C16orf89: variants seen among roughly 807,000 people sequenced by gnomAD.
The protein encoded by C16orf89 is UPF0764 protein C16orf89.
Under a neutral mutation model 41.5 loss-of-function variants are expected in C16orf89, and 57 were observed. The ratio of observed to expected loss-of-function variants is 1.38; its 90% CI spans 1.11 to 1.71. C16orf89 has a LOEUF of 1.71. C16orf89 is among the 40% of genes most tolerant of loss of function. The pLI is 0.00. For synonymous variants in C16orf89, 223 were observed against 190.6 expected (o/e 1.17, Z -1.40); for missense variants, 575 against 445.9 (o/e 1.29, Z -2.61).
At chr16:5,046,145 C>T (rs889641263) in intron 7 of C16orf89, among the ~76,000 whole-genome samples, 5 of 152,056 alleles carry the variant, frequency 3.3e-5, no homozygotes, top group Admixed American at 6.5e-5. Context: ...GTGGCAGCTA[C>T]GAAACTGACT....
At chr16:5,052,797 A>G (rs893059984) in intron 6 of C16orf89, among the ~76,000 whole-genome samples, 3 of 152,096 alleles carry the variant, frequency 2.0e-5, no homozygotes, top group Non-Finnish European at 4.4e-5. Context: ...AAAGGAAAGG[A>G]AATTGGTATG....
intron 4 of C16orf89, among the ~76,000 whole-genome samples, chr16:5,057,868 TTC>T: frequency 6.6e-6 from 1 of 151,972 alleles, no homozygotes; most frequent in Non-Finnish European, 1.5e-5. Context: ...TTTCTGATGA[TTC>T]TCTTTTATTC....
In C16orf89 at chr16:5,044,243, C is replaced by T. The variant is rs1230587503; in HGVS notation, c.*105G>A. The T allele has an allele frequency of 4.1e-6, 6 of 1,456,786 alleles. No individual in the cohort carries two copies. Among genetic ancestry groups the T allele is most frequent in the Non-Finnish European group, 5.4e-6 (6 of 1,109,636 alleles). 90.2% of individuals were successfully genotyped at this position (1,456,786 alleles called of 1,614,324 possible). ...TGTCGGGGTGGCTTTGCTTATCCTC[C>T]AGATGCCTTCTTCCCAGGATGTGAT... On this transcript the variant is annotated 3_prime_UTR_variant, in exon 8 of 8. Transcript: ENST00000472572.
chr16:5,056,279 G>T lies in C16orf89; in HGVS notation c.628-91C>A, dbSNP rs1234658958. 3.2e-6 allele frequency: 4 copies of T among 1,263,368 alleles called. No homozygotes were observed. In the South Asian group the frequency reaches 6.1e-5, roughly 19 times the overall value. 78.3% of individuals were successfully genotyped at this position (1,263,368 alleles called of 1,614,324 possible). On this transcript the variant is annotated intron_variant, in intron 4 of 7. Transcript: ENST00000472572. Reference sequence around the variant, plus strand: ...TGGGAAAGTCTTGCAGTTCTGAGACGGTCTTGCAAGGGGCTGTGTTTAGGG... The same window carrying T: ...TGGGAAAGTCTTGCAGTTCTGAGACTGTCTTGCAAGGGGCTGTGTTTAGGG...
At chr16:5,045,561 T>C (rs1365441235) in intron 7 of C16orf89, among the ~76,000 whole-genome samples, 4 of 152,008 alleles carry the variant, frequency 2.6e-5, no homozygotes. Context: ...GGAGGGAGAA[T>C]GCAGATTTCA....
intron 6 of C16orf89, among the ~76,000 whole-genome samples, chr16:5,052,118 A>AG (rs1374342290): frequency 4.6e-5 from 7 of 150,670 alleles, no homozygotes; most frequent in African/African-American, 1.7e-4. Flanking sequence ...AAAAAAAAAA[A>AG]AAGAAGGAAA....
chr16:5,044,077 G>T (rs973533957), downstream of C16orf89: 13 of 1,079,674 alleles, frequency 1.2e-5, no homozygotes, highest in Non-Finnish European at 1.3e-5. Flanking sequence ...CCAAGAGGTT[G>T]TCCAAGGTTG....
At chr16:5,059,623 C>T (rs1956575670) in intron 3 of C16orf89, among the ~76,000 whole-genome samples, 1 of 152,144 alleles carries the variant, frequency 6.6e-6, no homozygotes, top group Non-Finnish European at 1.5e-5. Context: ...TGCCCATGGG[C>T]CCTGCACCTA....
chr16:5,044,121 G>A (rs1314665011), downstream of C16orf89: 1 of 1,253,222 alleles, frequency 8.0e-7, no homozygotes, highest in Admixed American at 4.2e-5. Context: ...TCAACCCTGG[G>A]TCAGTTGCAG....
chr16:5,061,185 C>T (rs1425194993), intron 2 of C16orf89, among the ~76,000 whole-genome samples: 2 of 145,792 alleles, frequency 1.4e-5, no homozygotes, highest in Non-Finnish European at 3.0e-5. Flanking sequence ...TAGCATGAAC[C>T]CGGGAGACAG....
At chr16:5,062,706 G>C in intron 1 of C16orf89, 132 bp from the exon 2 acceptor site, 1 of 1,050,318 alleles carries the variant, frequency 9.5e-7, no homozygotes, top group Non-Finnish European at 1.3e-6. Context: ...GCACTCAGAG[G>C]GGAAGGATTT....
intron 6 of C16orf89, among the ~76,000 whole-genome samples, chr16:5,049,455 A>C (rs1276558871): frequency 1.3e-5 from 2 of 152,232 alleles, no homozygotes; most frequent in East Asian, 3.8e-4. Flanking sequence ...ATGTTAGGCC[A>C]AAAAACAAGT....
chr16:5,055,376 G>T lies in C16orf89; in HGVS notation c.764-26C>A, dbSNP rs1255541402. On this transcript the variant is annotated intron_variant, in intron 5 of 7. Coordinates refer to ENST00000472572, the MANE Select transcript of C16orf89 (RefSeq NM_001098514.3). Reference sequence around the variant, plus strand: ...CTGGAAGTAAAGACGGGGGCCCTCTGCAGGCCTGCCCCCCAGGCCCACCTC... The same window carrying T: ...CTGGAAGTAAAGACGGGGGCCCTCTTCAGGCCTGCCCCCCAGGCCCACCTC... 2.6e-6 allele frequency: 4 copies of T among 1,555,534 alleles called. No homozygotes were observed. The African/African-American group carries it at 5.5e-5, about 21-fold the overall frequency.
chr16:5,063,437 T>C (rs1956669203), intron 1 of C16orf89, among the ~76,000 whole-genome samples: 1 of 152,062 alleles, frequency 6.6e-6, no homozygotes, highest in South Asian at 2.1e-4. Context: ...CAAAGTCCAA[T>C]AGGACAGGGG....
intron 3 of C16orf89, among the ~76,000 whole-genome samples, chr16:5,059,902 CA>C: frequency 7.3e-6 from 1 of 137,898 alleles, no homozygotes; most frequent in East Asian, 2.1e-4. Context: ...TCCTGAGGCC[CA>C]GGGGGTGGAG....
intron 7 of C16orf89, chr16:5,044,883 A>G: frequency 8.0e-7 from 1 of 1,254,332 alleles, no homozygotes; most frequent in South Asian, 1.3e-5. Flanking sequence ...ATTCCAGGCA[A>G]CTTGCAAGAC....
At chr16:5,063,318 GC>G (rs1158024033) in intron 1 of C16orf89, among the ~76,000 whole-genome samples, 1 of 152,172 alleles carries the variant, frequency 6.6e-6, no homozygotes, top group Non-Finnish European at 1.5e-5. Context: ...CCTCTGCTCA[GC>G]CCCCTCCATG....
At chr16:5,044,671 G>T in intron 7 of C16orf89, 193 bp from the exon 8 acceptor site, 1 of 1,164,790 alleles carries the variant, frequency 8.6e-7, no homozygotes, top group East Asian at 3.0e-5. Flanking sequence ...ATGAAACCCT[G>T]TCTCTACTAA....
intron 6 of C16orf89, among the ~76,000 whole-genome samples, chr16:5,052,724 T>G (rs558667885): frequency 1.3e-5 from 2 of 152,316 alleles, no homozygotes; most frequent in South Asian, 4.1e-4. Flanking sequence ...TATGGAGATT[T>G]GTCAAAAAGC....
Sources: gnomAD v4.1 joint callset for allele counts (sites outside exome capture counted in the v4.1 genomes callset) on GRCh38, gnomAD v4.1.1 for gene constraint, MANE v1.5 for transcripts, NCBI Gene and HGNC (gene_info 2026-07-23, HGNC 2026-07-21) for gene names.